Variants in PRDM10 observed in about 807,000 individuals in gnomAD.
PRDM10 encodes PR domain zinc finger protein 10.
In PRDM10, 65 loss-of-function variants were observed where a neutral mutation model predicts 133.1. The ratio of observed to expected loss-of-function variants is 0.49; its 90% CI spans 0.40 to 0.60. The LOEUF is 0.60. Ranked by LOEUF, PRDM10 falls within the 20% of genes least tolerant of loss-of-function variation. The pLI is 0.00. For missense variants in PRDM10, 1,137 were observed against 1,507.1 expected (o/e 0.75, Z 4.07); for synonymous variants, 582 against 580.4 (o/e 1.00, Z -0.04).
At chr11:129,974,709 C>T (rs927717721) in intron 1 of PRDM10, among the ~76,000 whole-genome samples, 13 of 152,286 alleles carry the variant, frequency 8.5e-5, no homozygotes, top group African/African-American at 2.6e-4. Context: ...CATTCTCAGA[C>T]GCCTGAAGAC....
chr11:129,972,657 C>T (rs1418519984), intron 1 of PRDM10, among the ~76,000 whole-genome samples: 1 of 152,130 alleles, frequency 6.6e-6, no homozygotes, highest in Non-Finnish European at 1.5e-5. Flanking sequence ...CACAGTGTGG[C>T]CACAGGACTG....
At chr11:129,940,986 G>GT (rs1351875677) in intron 7 of PRDM10, among the ~76,000 whole-genome samples, 2 of 151,870 alleles carry the variant, frequency 1.3e-5, no homozygotes, top group African/African-American at 4.8e-5. Flanking sequence ...ATTCACCTCA[G>GT]TTTTTTTTCT....
At chr11:129,996,338 G>T (rs1225703563) in intron 1 of PRDM10, among the ~76,000 whole-genome samples, 1 of 152,228 alleles carries the variant, frequency 6.6e-6, no homozygotes, top group African/African-American at 2.4e-5. Flanking sequence ...GCCACAGCCC[G>T]CAGGCGGCAG....
chr11:130,002,109 G>A (rs1221013918), intron 1 of PRDM10, among the ~76,000 whole-genome samples: 1 of 150,798 alleles, frequency 6.6e-6, no homozygotes, highest in Non-Finnish European at 1.5e-5. Context: ...GGCCAGCCCC[G>A]GAGCCCTGCC....
At chr11:129,997,061 A>G (rs550906826) in intron 1 of PRDM10, among the ~76,000 whole-genome samples, 2 of 152,356 alleles carry the variant, frequency 1.3e-5, no homozygotes, top group East Asian at 1.9e-4. Context: ...ATCTCCACAC[A>G]GGGCAGTAAA....
intron 1 of PRDM10, among the ~76,000 whole-genome samples, chr11:129,972,858 C>T (rs528208427): frequency 8.5e-5 from 13 of 152,336 alleles, no homozygotes; most frequent in Non-Finnish European, 1.3e-4. Flanking sequence ...CCAGCAAAGT[C>T]AGCAGCCTCT....
intron 9 of PRDM10, among the ~76,000 whole-genome samples, 166 bp downstream of exon 9, chr11:129,934,935 G>A (rs1034520952): frequency 1.3e-5 from 2 of 152,206 alleles, no homozygotes; most frequent in African/African-American, 4.8e-5. Flanking sequence ...TAGTAAATGA[G>A]GAGCAGAGGG....
chr11:129,970,877 G>A (rs1168703049), intron 1 of PRDM10, among the ~76,000 whole-genome samples: 1 of 152,122 alleles, frequency 6.6e-6, no homozygotes, highest in African/African-American at 2.4e-5. Context: ...AATGAAGCAA[G>A]ATTAGGTAGT....
At chr11:129,997,512 C>A (rs901621445) in intron 1 of PRDM10, among the ~76,000 whole-genome samples, 1 of 152,240 alleles carries the variant, frequency 6.6e-6, no homozygotes, top group African/African-American at 2.4e-5. Flanking sequence ...AAAGACAGTT[C>A]TTTCACGAGC....
At chr11:129,925,370 AAGG>A (rs1213835856) in intron 11 of PRDM10, 141 bp from the exon 12 acceptor site, 9 of 791,968 alleles carry the variant, frequency 1.1e-5, no homozygotes, top group Non-Finnish European at 1.7e-5. Flanking sequence ...ACACAGTTGA[AAGG>A]AGATTTTTCT....
intron 1 of PRDM10, among the ~76,000 whole-genome samples, chr11:129,986,369 G>A (rs575819527): frequency 1.8e-4 from 27 of 152,064 alleles, no homozygotes; most frequent in Non-Finnish European, 3.1e-4. Flanking sequence ...CACCTCTAAC[G>A]CTGTTGTGTG....
chr11:129,971,787 C>T (rs551643125), intron 1 of PRDM10, among the ~76,000 whole-genome samples: 2,900 of 152,356 alleles, frequency 0.019, 97 homozygotes, highest in African/African-American at 0.065. Flanking sequence ...GATCCCGCAC[C>T]GGGGCTGCAG....
intron 17 of PRDM10, among the ~76,000 whole-genome samples, chr11:129,913,102 G>C (rs7122798): frequency 0.59 from 88,800 of 150,028 alleles, 28,067 homozygotes; most frequent in African/African-American, 0.83. Flanking sequence ...CCTGTAATCC[G>C]AGCTACTGAT....
chr11:129,919,104 C>G (rs1565460061), intron 13 of PRDM10, among the ~76,000 whole-genome samples: 1 of 152,192 alleles, frequency 6.6e-6, no homozygotes, highest in African/African-American at 2.4e-5. Flanking sequence ...GGTGTGGTGG[C>G]TCATGCCTGT....
intron 1 of PRDM10, among the ~76,000 whole-genome samples, chr11:129,993,774 G>A (rs1938888254): frequency 6.6e-6 from 1 of 152,148 alleles, no homozygotes; most frequent in African/African-American, 2.4e-5. Context: ...GTGAGCCACC[G>A]CGCCTGGCCC....
In PRDM10 at chr11:129,902,259, G is replaced by C. The variant is rs1591556282; in HGVS notation, c.*54C>G. 1.3e-5 allele frequency: 21 copies of C among 1,575,150 alleles called. 1 individual carries two copies. In the South Asian group the frequency reaches 1.9e-4, roughly 15 times the overall value. Reference sequence around the variant, plus strand: ...AGAGCTCTACGTGTCAGAGCTTTCAGACTTATGAGAACAGACATGAGGTGG... The same window carrying C: ...AGAGCTCTACGTGTCAGAGCTTTCACACTTATGAGAACAGACATGAGGTGG... On this transcript the variant is annotated 3_prime_UTR_variant, in exon 21 of 21. Transcript: ENST00000360871.
At chr11:129,960,022 A>T (rs1236615550) in intron 2 of PRDM10, among the ~76,000 whole-genome samples, 1 of 151,724 alleles carries the variant, frequency 6.6e-6, no homozygotes, top group Non-Finnish European at 1.5e-5. Context: ...TGCCCTCCCA[A>T]ACTGCTGGGA....
intron 11 of PRDM10, among the ~76,000 whole-genome samples, chr11:129,928,396 G>C (rs1950750098): frequency 6.6e-6 from 1 of 151,816 alleles, no homozygotes; most frequent in African/African-American, 2.4e-5. Flanking sequence ...TGGGGTTTTG[G>C]GGGGGTTTTT....
intron 1 of PRDM10, among the ~76,000 whole-genome samples, chr11:129,978,375 AGTCAT>A (rs1228211475): frequency 6.6e-6 from 1 of 152,224 alleles, no homozygotes; most frequent in East Asian, 1.9e-4. Flanking sequence ...TTTCAGAGAA[AGTCAT>A]GCTTCTGATA....
Sources: allele counts gnomAD v4.1 joint callset (sites outside exome capture counted in the v4.1 genomes callset), GRCh38; gene constraint gnomAD v4.1.1; transcripts MANE v1.5; gene names NCBI Gene and HGNC (gene_info 2026-07-23, HGNC 2026-07-21).